LPIN1: variants seen among roughly 807,000 people sequenced by gnomAD.
LPIN1 encodes lipin 1.
In LPIN1, 71 loss-of-function variants were observed where a neutral mutation model predicts 107.5. The observed-to-expected ratio is 0.66, with a 90% CI of 0.55 to 0.80. LPIN1 has a LOEUF of 0.80. LPIN1 is among the 30% of genes least tolerant of loss of function. LPIN1 has a pLI of 0.00. For missense variants in LPIN1, 1,043 were observed against 1,160.6 expected (o/e 0.90, Z 1.47); for synonymous variants, 445 against 452.6 (o/e 0.98, Z 0.21).
At chr2:11,737,643 C>A (rs1214298597) in intron 1 of LPIN1, among the ~76,000 whole-genome samples, 1 of 152,202 alleles carries the variant, frequency 6.6e-6, no homozygotes, top group Non-Finnish European at 1.5e-5. Flanking sequence ...AAAAGCTCTT[C>A]ATCACTGATC....
intron 2 of LPIN1, among the ~76,000 whole-genome samples, chr2:11,715,073 G>T (rs560055023): frequency 6.6e-6 from 1 of 152,336 alleles, no homozygotes; most frequent in East Asian, 1.9e-4. Context: ...GCAGTTAGTG[G>T]CAGTTATGCC....
intron 1 of LPIN1, among the ~76,000 whole-genome samples, chr2:11,686,993 CTTTTTTTTTTTT>C (rs141927239): frequency 1.2e-5 from 1 of 85,086 alleles, no homozygotes; most frequent in African/African-American, 5.1e-5. Context: ...GCTTTTGATC[CTTTTTTTTTTTT>C]TTTTTTTTTT....
chr2:11,789,095 A>G (rs1675185817), intron 12 of LPIN1, among the ~76,000 whole-genome samples: 2 of 152,240 alleles, frequency 1.3e-5, no homozygotes, highest in South Asian at 4.1e-4. Context: ...TCTTCCTGCT[A>G]GATTATACGT....
chr2:11,713,494 C>T (rs577011794), intron 1 of LPIN1, among the ~76,000 whole-genome samples: 1 of 152,328 alleles, frequency 6.6e-6, no homozygotes, highest in Admixed American at 6.5e-5. Context: ...TGATCTCAAA[C>T]TCCTGACCTC....
intron 1 of LPIN1, among the ~76,000 whole-genome samples, chr2:11,730,176 A>C (rs564661990): frequency 9.3e-5 from 14 of 149,808 alleles, no homozygotes; most frequent in Non-Finnish European, 1.8e-4. Context: ...TTTTGTTCTC[A>C]CTCTGTTTTC....
chr2:11,713,903 T>C (rs1256489028), intron 2 of LPIN1: 4 of 900,930 alleles, frequency 4.4e-6, no homozygotes, highest in Admixed American at 2.2e-5. Context: ...TTTGTCGCCA[T>C]GGCTATCTGC....
At chr2:11,770,428 C>T (rs1471840675) in intron 3 of LPIN1, among the ~76,000 whole-genome samples, 2 of 152,136 alleles carry the variant, frequency 1.3e-5, no homozygotes, top group Non-Finnish European at 2.9e-5. Flanking sequence ...TCCCTTCCAG[C>T]CCACGGACAG....
chr2:11,820,326 C>A (rs1681298112), intron 19 of LPIN1, 85 bp from the exon 20 acceptor site: 3 of 861,478 alleles, frequency 3.5e-6, no homozygotes, highest in Non-Finnish European at 5.9e-6. Flanking sequence ...AATTTGATAT[C>A]TCATCAAATC....
chr2:11,686,849 C>A (rs1293344656), intron 1 of LPIN1, among the ~76,000 whole-genome samples: 1 of 152,046 alleles, frequency 6.6e-6, no homozygotes, highest in Non-Finnish European at 1.5e-5. Flanking sequence ...CAGGCACTCA[C>A]CTTTCCTCTT....
intron 3 of LPIN1, among the ~76,000 whole-genome samples, chr2:11,768,335 C>G (rs1671265981): frequency 6.6e-6 from 1 of 152,310 alleles, no homozygotes; most frequent in East Asian, 1.9e-4. Context: ...TCACCACAGT[C>G]AAATTTAGAA....
chr2:11,795,291 T>C, intron 13 of LPIN1, 117 bp from the exon 14 acceptor site: 5 of 836,208 alleles, frequency 6.0e-6, no homozygotes, highest in Non-Finnish European at 1.0e-5. Flanking sequence ...TGGGCGTCAT[T>C]GGGGAATGGT....
intron 2 of LPIN1, among the ~76,000 whole-genome samples, chr2:11,716,705 G>A (rs1663766051): frequency 6.6e-6 from 1 of 152,178 alleles, no homozygotes; most frequent in East Asian, 1.9e-4. Flanking sequence ...ATGTTTGAGG[G>A]AAAGTTTTTC....
chr2:11,792,140 A>G, intron 13 of LPIN1, 134 bp downstream of exon 13: 3 of 787,408 alleles, frequency 3.8e-6, no homozygotes, highest in Non-Finnish European at 6.4e-6. Flanking sequence ...CAGCTCTGCC[A>G]TGAAGTAGGG....
intron 1 of LPIN1, among the ~76,000 whole-genome samples, chr2:11,695,317 C>T (rs1011203453): frequency 2.0e-5 from 3 of 152,242 alleles, no homozygotes; most frequent in Non-Finnish European, 2.9e-5. Flanking sequence ...ACCAGGGATT[C>T]GGACAGGGAA....
intron 9 of LPIN1, chr2:11,784,414 C>T (rs1482196417): frequency 1.8e-6 from 2 of 1,112,994 alleles, no homozygotes; most frequent in Admixed American, 9.4e-5. Context: ...GGCGGCGCCC[C>T]ACCTCTGGAC....
intron 2 of LPIN1, among the ~76,000 whole-genome samples, chr2:11,718,352 C>T (rs1051526801): frequency 6.6e-5 from 10 of 152,048 alleles, no homozygotes; most frequent in South Asian, 2.1e-4. Context: ...CTTAGCCTCC[C>T]GAGTAGCTGG....
intron 17 of LPIN1, among the ~76,000 whole-genome samples, chr2:11,812,061 T>A (rs998778382): frequency 6.6e-6 from 1 of 152,262 alleles, no homozygotes; most frequent in Non-Finnish European, 1.5e-5. Context: ...CAAGCTGATA[T>A]TTCTAGATTC....
At chr2:11,726,941 T>C (rs938622390) in intron 1 of LPIN1, among the ~76,000 whole-genome samples, 6 of 152,226 alleles carry the variant, frequency 3.9e-5, no homozygotes, top group African/African-American at 1.2e-4. Flanking sequence ...TTATGCATTA[T>C]TGGGATGAAG....
chr2:11,699,078 TA>T (rs1035114247), intron 1 of LPIN1, among the ~76,000 whole-genome samples: 28 of 152,218 alleles, frequency 1.8e-4, no homozygotes, highest in African/African-American at 4.6e-4. Context: ...TTTCTTCAAT[TA>T]AAAAAAATGC....
Sources: allele counts gnomAD v4.1 joint callset (sites outside exome capture counted in the v4.1 genomes callset), GRCh38; gene constraint gnomAD v4.1.1; transcripts MANE v1.5; gene names NCBI Gene and HGNC (gene_info 2026-07-23, HGNC 2026-07-21).